KANK1: variants seen among roughly 807,000 people sequenced by gnomAD.
KANK1 encodes the protein KN motif and ankyrin repeat domain-containing protein 1.
A neutral mutation model predicts 106.2 loss-of-function variants in KANK1; 109 were observed. The ratio of observed to expected loss-of-function variants is 1.03; its 90% CI spans 0.88 to 1.20. KANK1 has a LOEUF of 1.20. KANK1 is among the 50% of genes most tolerant of loss of function. The pLI is 0.00. For missense variants in KANK1, 2,399 were observed against 1,710.7 expected (o/e 1.40, Z -7.10); for synonymous variants, 873 against 652.2 (o/e 1.34, Z -5.16).
chr9:578,515 T>G (rs111884742), intron 1 of KANK1, among the ~76,000 whole-genome samples: 1 of 152,020 alleles, frequency 6.6e-6, no homozygotes, highest in African/African-American at 2.4e-5. Context: ...TATACAAAAA[T>G]CTTAAAAACT....
intron 1 of KANK1, among the ~76,000 whole-genome samples, chr9:522,612 G>A (rs2059602097): frequency 6.6e-6 from 1 of 151,776 alleles, no homozygotes; most frequent in Non-Finnish European, 1.5e-5. Context: ...CAGTGGGGTT[G>A]AACTGGCAGA....
At chr9:604,039 G>T (rs565265037) in intron 1 of KANK1, among the ~76,000 whole-genome samples, 1 of 150,882 alleles carries the variant, frequency 6.6e-6, no homozygotes, top group Admixed American at 6.6e-5. Context: ...TTCACTTTAT[G>T]TTTGGGGAGG....
chr9:601,032 T>C (rs1321209259), intron 1 of KANK1, among the ~76,000 whole-genome samples: 1 of 151,702 alleles, frequency 6.6e-6, no homozygotes, highest in African/African-American at 2.4e-5. Flanking sequence ...TTTTGTAAAA[T>C]GCCCAAAGAA....
chr9:709,803 C>T (rs904553316), intron 2 of KANK1, among the ~76,000 whole-genome samples: 1 of 151,906 alleles, frequency 6.6e-6, no homozygotes, highest in African/African-American at 2.4e-5. Context: ...TTAGTAGGGA[C>T]GAGGTTTTAC....
At chr9:734,897 C>G in intron 7 of KANK1, 62 bp downstream of exon 7, 1 of 1,221,076 alleles carries the variant, frequency 8.2e-7, no homozygotes, top group South Asian at 1.2e-5. Context: ...GGTTCATTGT[C>G]AAGGCCAGCT....
intron 5 of KANK1, chr9:731,840 T>C (rs1437306642): frequency 6.5e-6 from 1 of 154,744 alleles, no homozygotes. Context: ...AATCAATGAA[T>C]TGATACATGG....
chr9:526,558 A>T (rs1214188620), intron 1 of KANK1, among the ~76,000 whole-genome samples: 2 of 151,772 alleles, frequency 1.3e-5, no homozygotes, highest in African/African-American at 2.4e-5. Context: ...ACAAAAAAAT[A>T]AAAATTACAA....
chr9:499,171 C>T (rs545523454), intron 3 of KANK1, among the ~76,000 whole-genome samples: 1 of 148,290 alleles, frequency 6.7e-6, no homozygotes, highest in Non-Finnish European at 1.5e-5. Context: ...GAGCAAGACT[C>T]TGTCTCAAAA....
intron 2 of KANK1, among the ~76,000 whole-genome samples, chr9:706,420 T>G (rs1824174962): frequency 6.6e-6 from 1 of 152,226 alleles, no homozygotes; most frequent in South Asian, 2.1e-4. Flanking sequence ...TAAATACTGA[T>G]GTTGAGTCAG....
At chr9:610,353 C>T (rs1830283038) in intron 1 of KANK1, among the ~76,000 whole-genome samples, 1 of 151,690 alleles carries the variant, frequency 6.6e-6, no homozygotes, top group South Asian at 2.1e-4. Context: ...ATGATGAGAC[C>T]TTAAGCAAAT....
intron 3 of KANK1, among the ~76,000 whole-genome samples, chr9:490,616 T>G (rs532316485): frequency 6.6e-6 from 1 of 152,332 alleles, no homozygotes; most frequent in African/African-American, 2.4e-5. Context: ...CTTTAGATAA[T>G]TTCATTATCA....
intron 3 of KANK1, among the ~76,000 whole-genome samples, chr9:475,863 T>C (rs532644931): frequency 5.3e-5 from 8 of 151,978 alleles, no homozygotes; most frequent in Admixed American, 5.2e-4. Flanking sequence ...ATTTATTTAT[T>C]TATTTTTGAA....
chr9:742,878 G>GTTT (rs1836048588), intron 10 of KANK1, among the ~76,000 whole-genome samples: 2 of 152,206 alleles, frequency 1.3e-5, no homozygotes, highest in Non-Finnish European at 2.9e-5. Context: ...AGTAGCTTGT[G>GTTT]ACACAACATA....
At chr9:534,230 G>A (rs2060194187) in intron 1 of KANK1, among the ~76,000 whole-genome samples, 1 of 152,226 alleles carries the variant, frequency 6.6e-6, no homozygotes, top group Non-Finnish European at 1.5e-5. Flanking sequence ...AGAAAATGCA[G>A]AAATGTACGT....
At chr9:700,435 A>G (rs1822380525) in intron 2 of KANK1, among the ~76,000 whole-genome samples, 2 of 152,336 alleles carry the variant, frequency 1.3e-5, no homozygotes, top group South Asian at 4.1e-4. Flanking sequence ...CTGTCTTCTT[A>G]GAACACTTTC....
chr9:562,739 C>T (rs1048241165), intron 1 of KANK1, among the ~76,000 whole-genome samples: 2 of 152,172 alleles, frequency 1.3e-5, no homozygotes, highest in African/African-American at 4.8e-5. Flanking sequence ...ACAACCGATG[C>T]TAGTGGAGAT....
intron 1 of KANK1, among the ~76,000 whole-genome samples, chr9:640,625 G>C (rs1355351791): frequency 1.3e-5 from 2 of 151,826 alleles, no homozygotes; most frequent in East Asian, 3.9e-4. Flanking sequence ...TTGAACTCCT[G>C]ATCTCAGGTG....
At chr9:493,360 C>A (rs369498367) in intron 3 of KANK1, among the ~76,000 whole-genome samples, 10 of 152,080 alleles carry the variant, frequency 6.6e-5, no homozygotes, top group African/African-American at 1.4e-4. Context: ...AGTGAAGAAG[C>A]CTTCTCAGAA....
rs551382205 is a variant in KANK1, at chr9:745,476, GTC to G, written c.*245_*246del. 8.1e-4 allele frequency: 353 copies of G among 433,694 alleles called. 2 individuals carry two copies. In the Middle Eastern group the frequency reaches 8.2e-3, roughly 10 times the overall value. The allele number at this position is 433,694 out of a possible 1,614,324, so 26.9% of individuals were successfully genotyped here. A position where few individuals can be genotyped will look rare whatever the true frequency, so the allele number is the denominator to read the frequency against. On this transcript the variant is annotated 3_prime_UTR_variant, in exon 12 of 12. Coordinates refer to ENST00000382297, the MANE Select transcript of KANK1 (RefSeq NM_015158.5). ...TTAACCCAGTCTCTGTTGCTGTTGA[GTC>G]TCTGCTCCGTTTTGTACAGTCACAG...
Sources: gnomAD v4.1 joint callset for allele counts (sites outside exome capture counted in the v4.1 genomes callset) on GRCh38, gnomAD v4.1.1 for gene constraint, MANE v1.5 for transcripts, NCBI Gene and HGNC (gene_info 2026-07-23, HGNC 2026-07-21) for gene names.